Variants in MAGI1 observed in about 807,000 individuals in gnomAD.
MAGI1 encodes membrane-associated guanylate kinase, WW and PDZ domain-containing protein 1.
In MAGI1, 58 loss-of-function variants were observed where a neutral mutation model predicts 139.9. That is an observed-to-expected ratio of 0.41 (90% CI 0.34 to 0.52). The LOEUF (loss-of-function observed/expected upper bound fraction) is 0.52. Ranked by LOEUF, MAGI1 falls within the 20% of genes least tolerant of loss-of-function variation. The pLI, the probability that MAGI1 is intolerant of heterozygous loss-of-function variation, is 0.12. For missense variants in MAGI1, 1,874 were observed against 1,901.6 expected (o/e 0.99, Z 0.27); for synonymous variants, 812 against 737.9 (o/e 1.10, Z -1.63).
chr3:65,929,573 T>G (rs1193758005), intron 1 of MAGI1, among the ~76,000 whole-genome samples: 4 of 152,062 alleles, frequency 2.6e-5, no homozygotes, highest in Non-Finnish European at 5.9e-5. Flanking sequence ...GACCTCGTGA[T>G]CCACCCACCT....
chr3:66,016,800 A>G (rs992102994), intron 1 of MAGI1, among the ~76,000 whole-genome samples: 10 of 152,368 alleles, frequency 6.6e-5, no homozygotes, highest in African/African-American at 2.4e-4. Context: ...ACACAATGGA[A>G]TATTATTCAG....
At chr3:65,687,566 T>G (rs1238910885) in intron 1 of MAGI1, 1 of 376,948 alleles carries the variant, frequency 2.7e-6, no homozygotes, top group Non-Finnish European at 5.4e-6. Context: ...TGACAATCTG[T>G]GGCTCCAGGG....
intron 10 of MAGI1, among the ~76,000 whole-genome samples, chr3:65,434,006 A>G (rs1489425077): frequency 6.6e-6 from 1 of 152,184 alleles, no homozygotes; most frequent in East Asian, 1.9e-4. Flanking sequence ...ATTCATTTAA[A>G]TTTAAATGGC....
intron 1 of MAGI1, among the ~76,000 whole-genome samples, chr3:65,681,290 C>T (rs1395399735): frequency 6.6e-6 from 1 of 152,192 alleles, no homozygotes; most frequent in Non-Finnish European, 1.5e-5. Flanking sequence ...CATTTATAGA[C>T]CACAATCTAC....
At chr3:65,729,100 G>A in intron 1 of MAGI1, among the ~76,000 whole-genome samples, 1 of 104,840 alleles carries the variant, frequency 9.5e-6, no homozygotes, top group Middle Eastern at 0.012. Flanking sequence ...CTACAAATTA[G>A]CAGTTAACAA....
rs149468264 is a variant in MAGI1 at position 65,379,345 on chromosome 3, C to G, written c.2911G>C (p.Val971Leu). 2 of 1,613,388 alleles carry G rather than the reference C, an allele frequency of 1.2e-6. No homozygotes were observed. The highest frequency in any genetic ancestry group is 1.7e-6 in the Non-Finnish European group (2 of 1,179,680). ...VVSTVVQPYD[V>L]EIRRGENEGF... Reference sequence around the variant, plus strand: ...TCGTTCTCCCCGCGCCGGATCTCCACGTCGTAGGGCTGCACCACGGTGCTG... The same window carrying G: ...TCGTTCTCCCCGCGCCGGATCTCCAGGTCGTAGGGCTGCACCACGGTGCTG... Residue 971 changes from valine to leucine, a missense_variant, in exon 17 of 23, where the codon GTG becomes CTG. Val to Leu is a conservative substitution (Grantham distance 32). Around this residue, in one of 5 missense-constraint regions of MAGI1, gnomAD observed 482 missense variants for 509.6 expected, o/e 0.95. Coordinates refer to ENST00000402939, the MANE Select transcript of MAGI1 (RefSeq NM_001033057.2).
chr3:65,706,805 A>C (rs1293064147), intron 1 of MAGI1, among the ~76,000 whole-genome samples: 1 of 152,182 alleles, frequency 6.6e-6, no homozygotes, highest in Non-Finnish European at 1.5e-5. Context: ...CGCAAGCAGG[A>C]GCCAGAGACC....
chr3:65,899,823 AACCC>A (rs2061144923), intron 1 of MAGI1, among the ~76,000 whole-genome samples: 1 of 152,212 alleles, frequency 6.6e-6, no homozygotes, highest in South Asian at 2.1e-4. Context: ...TGGATTAAGG[AACCC>A]AAATTAAAAT....
chr3:65,421,156 G>A (rs1270181350), intron 12 of MAGI1, among the ~76,000 whole-genome samples: 1 of 152,138 alleles, frequency 6.6e-6, no homozygotes, highest in Non-Finnish European at 1.5e-5. Flanking sequence ...AAATATAAAT[G>A]TGACCTGTCA....
chr3:65,763,834 G>A (rs1457806030), intron 1 of MAGI1, among the ~76,000 whole-genome samples: 4 of 152,024 alleles, frequency 2.6e-5, no homozygotes, highest in Non-Finnish European at 4.4e-5. Context: ...ACTTTGGGAG[G>A]CTGAGGCGGG....
chr3:65,994,359 G>A (rs9857449), intron 1 of MAGI1, among the ~76,000 whole-genome samples: 5,366 of 151,154 alleles, frequency 0.036, 290 homozygotes, highest in African/African-American at 0.12. Flanking sequence ...ACAGCAAAGA[G>A]TGAGAGACTC....
chr3:65,947,933 T>C (rs2063615312), intron 1 of MAGI1, among the ~76,000 whole-genome samples: 1 of 143,256 alleles, frequency 7.0e-6, no homozygotes, highest in South Asian at 2.3e-4. Flanking sequence ...CAGCAATATC[T>C]TTCTCTTTTT....
intron 1 of MAGI1, among the ~76,000 whole-genome samples, chr3:65,969,277 C>T (rs2064904933): frequency 6.6e-6 from 1 of 152,170 alleles, no homozygotes. Flanking sequence ...TATCTGTAAC[C>T]ATTTCACCGG....
At chr3:65,660,053 G>A (rs2086107839) in intron 1 of MAGI1, among the ~76,000 whole-genome samples, 1 of 152,138 alleles carries the variant, frequency 6.6e-6, no homozygotes, top group African/African-American at 2.4e-5. Context: ...ATTTCGTTAT[G>A]CCAATTGTTA....
chr3:65,955,849 C>T (rs1365534533), intron 1 of MAGI1, among the ~76,000 whole-genome samples: 1 of 152,014 alleles, frequency 6.6e-6, no homozygotes, highest in Non-Finnish European at 1.5e-5. Flanking sequence ...ACAATATTTA[C>T]CCATGCCAGA....
At chr3:65,499,574 G>A (rs1404048475) in intron 2 of MAGI1, among the ~76,000 whole-genome samples, 1 of 151,994 alleles carries the variant, frequency 6.6e-6, no homozygotes, top group East Asian at 1.9e-4. Context: ...AGTGAGCTGA[G>A]ATTGCGCCAC....
At chr3:66,027,270 AAATAAATAAATAAATAAATAAAT>A (rs529171439) in intron 1 of MAGI1, among the ~76,000 whole-genome samples, 84,154 of 137,244 alleles carry the variant, frequency 0.61, 25,247 homozygotes, top group East Asian at 0.87. Flanking sequence ...CGTCTCAAAT[AAATAAATAAATAAATAAATAAAT>A]AAATAAATAA....
chr3:65,876,059 T>C (rs1012697154), intron 1 of MAGI1, among the ~76,000 whole-genome samples: 5 of 151,262 alleles, frequency 3.3e-5, no homozygotes, highest in African/African-American at 1.2e-4. Flanking sequence ...AGTTCTGCTG[T>C]GAGGGTTTTT....
At chr3:65,846,976 C>CAAAAAAAAAAAAAAAAAAAAAAAAA (rs58391331) in intron 1 of MAGI1, among the ~76,000 whole-genome samples, 6 of 80,988 alleles carry the variant, frequency 7.4e-5, no homozygotes, top group African/African-American at 1.5e-4. Flanking sequence ...CAATGTCTTA[C>CAAAAAAAAAAAAAAAAAAAAAAAAA]AAAAAAAAAA....
Sources: gnomAD v4.1 joint callset for allele counts (sites outside exome capture counted in the v4.1 genomes callset) on GRCh38, gnomAD v4.1.1 for gene constraint, gnomAD v4.1.1 regional missense constraint, MANE v1.5 for transcripts, NCBI Gene and HGNC (gene_info 2026-07-23, HGNC 2026-07-21) for gene names.